Variants in JAZF1 observed in about 807,000 individuals in gnomAD.
JAZF1 encodes the protein juxtaposed with another zinc finger protein 1.
Under a neutral mutation model 26.4 loss-of-function variants are expected in JAZF1, and 8 were observed. The observed-to-expected ratio is 0.30, with a 90% confidence interval of 0.18 to 0.55. JAZF1 has a LOEUF of 0.55. Ranked by LOEUF, JAZF1 falls within the 20% of genes least tolerant of loss-of-function variation. The probability of loss-of-function intolerance (pLI) is 0.94; values close to 1 mark genes in which losing one functional copy is unlikely to be tolerated. For missense variants in JAZF1, 199 were observed against 322.0 expected (o/e 0.62, Z 2.92); for synonymous variants, 126 against 122.3 (o/e 1.03, Z -0.20).
intron 1 of JAZF1, among the ~76,000 whole-genome samples, chr7:28,173,362 AAG>A (rs1310250288): frequency 6.6e-6 from 1 of 152,220 alleles, no homozygotes; most frequent in Non-Finnish European, 1.5e-5. Flanking sequence ...GTGATCTTGA[AAG>A]AGAGGGAAAA....
In JAZF1 at chr7:27,832,731, A is replaced by G. The variant is rs1782730034; in HGVS notation, c.*69T>C. Reference sequence around the variant, plus strand: ...AAGGGTTGCTGAATGCTTCCCCTGAAAAAAGGTGGCTGTTTTCAAAATCAG... The same window carrying G: ...AAGGGTTGCTGAATGCTTCCCCTGAGAAAAGGTGGCTGTTTTCAAAATCAG... On this transcript the variant is annotated 3_prime_UTR_variant, in exon 5 of 5. Coordinates refer to ENST00000283928, the MANE Select transcript of JAZF1 (RefSeq NM_175061.4). The G allele has an allele frequency of 5.4e-6, 7 of 1,301,088 alleles. No individual in the cohort carries two copies. The East Asian group carries it at 1.8e-4, about 33-fold the overall frequency. The allele number at this position is 1,301,088 out of a possible 1,614,324, so 80.6% of individuals were successfully genotyped here.
chr7:27,959,334 C>T (rs997557404), intron 2 of JAZF1, among the ~76,000 whole-genome samples: 4 of 152,200 alleles, frequency 2.6e-5, no homozygotes, highest in Non-Finnish European at 5.9e-5. Flanking sequence ...CCTCTTTATA[C>T]TGCAAAGTCC....
chr7:28,159,525 C>G (rs1783245407), intron 1 of JAZF1, among the ~76,000 whole-genome samples: 1 of 151,874 alleles, frequency 6.6e-6, no homozygotes, highest in South Asian at 2.1e-4. Context: ...AGACCGTAAG[C>G]CCTGGGAAGG....
At chr7:28,054,952 A>G (rs1337525929) in intron 1 of JAZF1, among the ~76,000 whole-genome samples, 4 of 152,048 alleles carry the variant, frequency 2.6e-5, no homozygotes, top group African/African-American at 9.7e-5. Flanking sequence ...AAAAGTTCTC[A>G]ATATAGGTGC....
chr7:27,944,216 T>C (rs1048860437), intron 2 of JAZF1, among the ~76,000 whole-genome samples: 1 of 152,230 alleles, frequency 6.6e-6, no homozygotes, highest in Non-Finnish European at 1.5e-5. Flanking sequence ...ACATAATACA[T>C]GTGCCCAGTG....
chr7:27,990,160 C>G (rs1390312220), intron 2 of JAZF1, among the ~76,000 whole-genome samples: 3 of 152,184 alleles, frequency 2.0e-5, no homozygotes, highest in Non-Finnish European at 4.4e-5. Context: ...TGGAAACCAT[C>G]ATTCTGAGCA....
chr7:27,889,824 T>G (rs1783938584), intron 3 of JAZF1, among the ~76,000 whole-genome samples: 1 of 151,998 alleles, frequency 6.6e-6, no homozygotes, highest in African/African-American at 2.4e-5. Context: ...TCCCAGCTAC[T>G]TGGGAGGCAG....
intron 3 of JAZF1, among the ~76,000 whole-genome samples, chr7:27,848,036 G>A (rs552980196): frequency 5.2e-4 from 79 of 152,234 alleles, no homozygotes; most frequent in African/African-American, 1.9e-3. Flanking sequence ...GATCACTTTG[G>A]TTATTTAGGG....
chr7:27,899,508 C>T (rs967971092), intron 2 of JAZF1, among the ~76,000 whole-genome samples: 2 of 152,218 alleles, frequency 1.3e-5, no homozygotes, highest in East Asian at 3.9e-4. Context: ...GATTACAGTG[C>T]ACCGAAGCAC....
intron 1 of JAZF1, among the ~76,000 whole-genome samples, chr7:28,066,710 A>G (rs772658724): frequency 2.2e-4 from 33 of 151,926 alleles, no homozygotes; most frequent in Admixed American, 1.6e-3. Flanking sequence ...CCCTGCTTGG[A>G]AAAGAAGTGT....
chr7:28,081,018 T>C (rs1048884026), intron 1 of JAZF1, among the ~76,000 whole-genome samples: 1 of 151,762 alleles, frequency 6.6e-6, no homozygotes, highest in Non-Finnish European at 1.5e-5. Flanking sequence ...GCATCAAAGT[T>C]CCTCAAAAGA....
intron 1 of JAZF1, among the ~76,000 whole-genome samples, chr7:28,146,861 TTTG>T (rs1783036081): frequency 1.3e-5 from 2 of 151,566 alleles, no homozygotes; most frequent in African/African-American, 2.4e-5. Context: ...GTGGTTTTTT[TTTG>T]TTTTTTTTTT....
intron 1 of JAZF1, among the ~76,000 whole-genome samples, chr7:28,140,709 A>G (rs1017220121): frequency 2.0e-5 from 3 of 152,262 alleles, no homozygotes; most frequent in African/African-American, 7.2e-5. Context: ...ACATTGAATT[A>G]AAGTAGAGAT....
At chr7:27,891,632 G>A (rs746211153) in intron 3 of JAZF1, among the ~76,000 whole-genome samples, 3 of 151,486 alleles carry the variant, frequency 2.0e-5, no homozygotes, top group Non-Finnish European at 2.9e-5. Context: ...TTCAAGACCA[G>A]CCTGGGCAAC....
intron 1 of JAZF1, among the ~76,000 whole-genome samples, chr7:28,044,227 A>G (rs948362131): frequency 2.6e-5 from 4 of 152,196 alleles, no homozygotes; most frequent in Non-Finnish European, 5.9e-5. Flanking sequence ...ATCTCTTCTT[A>G]GCTAGTAAGT....
At chr7:28,149,146 G>A (rs1783070547) in intron 1 of JAZF1, among the ~76,000 whole-genome samples, 1 of 152,144 alleles carries the variant, frequency 6.6e-6, no homozygotes, top group South Asian at 2.1e-4. Flanking sequence ...CTACCAGGGA[G>A]CATTCACACA....
chr7:27,882,230 T>C (rs1480742957), intron 3 of JAZF1, among the ~76,000 whole-genome samples: 1 of 151,996 alleles, frequency 6.6e-6, no homozygotes, highest in East Asian at 1.9e-4. Flanking sequence ...TCATATACAG[T>C]TGTCCCCCAA....
chr7:27,957,549 G>A lies in JAZF1; in HGVS notation c.188+34360C>T, dbSNP rs116115539. The stretch of plus-strand genomic sequence containing the variant: ...AACAAACTCAAAAGTACATTCAAAC[G>A]GAGCACTTTGGTTACCCTGGACTAC... On this transcript the variant is annotated intron_variant, in intron 2 of 4. Transcript: ENST00000283928. 5.2e-3 allele frequency among the ~76,000 whole-genome samples: 795 copies of A among 152,238 alleles called. 9 individuals carry two copies. Among genetic ancestry groups the A allele is most frequent in the African/African-American group, 0.018 (755 of 41,510 alleles).
At chr7:28,081,800 T>C (rs542261320) in intron 1 of JAZF1, among the ~76,000 whole-genome samples, 3 of 152,336 alleles carry the variant, frequency 2.0e-5, no homozygotes, top group South Asian at 2.1e-4. Context: ...AAAATTAACA[T>C]GGACTGAATT....
Sources: gnomAD v4.1 joint callset for allele counts (sites outside exome capture counted in the v4.1 genomes callset) on GRCh38, gnomAD v4.1.1 for gene constraint, MANE v1.5 for transcripts, NCBI Gene and HGNC (gene_info 2026-07-23, HGNC 2026-07-21) for gene names.